CAD: variants seen among roughly 807,000 people sequenced by gnomAD.
CAD encodes multifunctional protein CAD.
A neutral mutation model predicts 237.2 loss-of-function variants in CAD; 81 were observed. That is an observed-to-expected ratio of 0.34 (90% CI 0.29 to 0.41). The LOEUF (loss-of-function observed/expected upper bound fraction) is 0.41, where lower values mean the gene tolerates loss of function less well. CAD is among the 10% of genes least tolerant of loss of function. CAD has a pLI of 1.00. For missense variants in CAD, 2,181 were observed against 2,951.7 expected, an observed-to-expected ratio of 0.74 and a Z score of 6.05; for synonymous variants, 1,196 against 1,162.8, an observed-to-expected ratio of 1.03 and a Z score of -0.58.
At chr2:27,238,952 G>A in intron 31 of CAD, 90 bp from the exon 32 acceptor site, 12 of 1,215,730 alleles carry the variant, frequency 9.9e-6, no homozygotes, top group Non-Finnish European at 1.4e-5. Context: ...TGAGCATAAG[G>A]AGGTTGTTGG....
rs758067228 is a variant in CAD at position 27,236,414 on chromosome 2, G to GC, written c.4207dup (p.Arg1403ProfsTer19). The GC allele has an allele frequency of 6.2e-7, 1 of 1,614,202 alleles. No homozygotes were observed. Among genetic ancestry groups the GC allele is most frequent in the Non-Finnish European group, 8.5e-7 (1 of 1,180,040 alleles). ...AACCTGTCAATGCGTGGAGCTGGGG[G>GC]CCGGCGTCTCTCTTCCTTTGTCACC... On this transcript the variant is annotated frameshift_variant, in exon 26 of 44. Coordinates refer to ENST00000264705, the MANE Select transcript of CAD (RefSeq NM_004341.5). LOFTEE classifies it high-confidence loss of function. The surrounding 1 kb of genome is among the most constrained non-coding windows in gnomAD (Gnocchi z 4.1).
At position 27,225,019 on chromosome 2, in the gene CAD, A is replaced by G. The variant is rs1187524433; in HGVS notation, c.1396A>G (p.Asn466Asp). 1 of 1,609,862 alleles carries G rather than the reference A, an allele frequency of 6.2e-7. No homozygotes were observed. Among genetic ancestry groups the G allele is most frequent in the African/African-American group, 1.3e-5 (1 of 74,812 alleles). The change falls in exon 11 of 44, where the codon AAT becomes GAT. Residue 466 changes from asparagine to aspartate, a missense_variant. Asn to Asp is a conservative substitution (Grantham distance 23). Coordinates refer to ENST00000264705, the MANE Select transcript of CAD (RefSeq NM_004341.5). The part of the protein sequence containing the change: ...TPHYVTQVIR[N>D]ERPDGVLLTF... ...CCCTCTCCATCCTCAGGTGATACGT[A>G]ATGAACGCCCCGATGGTGTGTTACT...
rs373362485 is a variant in CAD, at chr2:27,232,993, G to A, written c.2893-49G>A. ...TTAGTTTCTCCACGATTTTCTCCAC[G>A]ATTTTCCTCCCACCTGACTGCTAAG... is the stretch of plus-strand genomic sequence containing the variant. On this transcript the variant is annotated intron_variant, in intron 18 of 43. Transcript: ENST00000264705. This position sits in a 1 kb window ranked among gnomAD's most constrained non-coding sequence, Gnocchi z 4.1. The A allele has an allele frequency of 3.5e-5, 44 of 1,257,122 alleles. No individual in the cohort carries two copies. The highest frequency in any genetic ancestry group is 4.3e-5 in the Non-Finnish European group (37 of 855,388). 77.9% of individuals were successfully genotyped at this position (1,257,122 alleles called of 1,614,324 possible). A position where few individuals can be genotyped will look rare whatever the true frequency, so the allele number is the denominator to read the frequency against.
rs1676226814 is a variant in CAD at position 27,240,084 on chromosome 2, T to TA, written c.5497-174dup. On this transcript the variant is annotated intron_variant, in intron 34 of 43. Transcript: ENST00000264705. The surrounding 1 kb of genome is among the most constrained non-coding windows in gnomAD (Gnocchi z 4.6). ...GGTGAAACCCCATCTCTACTAAAAATAAAAAAATTAGCCAGGCGTGGTGGT... is the reference window on the plus strand; with the variant it reads ...GGTGAAACCCCATCTCTACTAAAAATAAAAAAAATTAGCCAGGCGTGGTGGT... The TA allele has an allele frequency of 1.6e-6, 1 of 622,508 alleles. No individual in the cohort carries two copies. The allele number at this position is 622,508 out of a possible 1,614,324, so 38.6% of individuals were successfully genotyped here. A position where few individuals can be genotyped will look rare whatever the true frequency, so the allele number is the denominator to read the frequency against.
Position 27,223,718 on chromosome 2 carries a change from G to C in CAD, c.965G>C (p.Gly322Ala), listed in dbSNP as rs1675293234. 6.2e-7 allele frequency: 1 copy of C among 1,614,194 alleles called. No individual in the cohort carries two copies. Among genetic ancestry groups the C allele is most frequent in the Non-Finnish European group, 8.5e-7 (1 of 1,180,030 alleles). ...AACGCCAATGATGGTTCCAATGAAG[G>C]CATTGTGCACAACAGCTTGCCTTTC... Reference protein sequence around the residue: ...FTNANDGSNEGIVHNSLPFFS... With the variant: ...FTNANDGSNEAIVHNSLPFFS... The change falls in exon 7 of 44, where the codon GGC (glycine) becomes GCC (alanine). Residue 322 changes from glycine to alanine, a missense_variant. Gly to Ala is a moderately conservative substitution (Grantham distance 60). Around this residue, in one of 12 missense-constraint regions of CAD, gnomAD observed 129 missense variants for 143.3 expected, o/e 0.90. Transcript: ENST00000264705.
In CAD at chr2:27,220,915, G is replaced by A. The variant is rs1048254314; in HGVS notation, c.223-303G>A. Among the ~76,000 whole-genome samples, 14 of 151,984 alleles carry A rather than the reference G, an allele frequency of 9.2e-5. No individual in the cohort carries two copies. In the South Asian group the frequency reaches 1.0e-3, roughly 11 times the overall value. On this transcript the variant is annotated intron_variant, in intron 2 of 43. Transcript: ENST00000264705. ...AGAGGTTGCAGTGAGCTTAGATGTC[G>A]CCACTGCATTGCAGCCTGGGTGACA... is the stretch of plus-strand genomic sequence containing the variant.
chr2:27,237,959 A>G lies in CAD; in HGVS notation c.4728+77A>G, dbSNP rs1676105081. 6.3e-7 allele frequency: 1 copy of G among 1,577,110 alleles called. No individual in the cohort carries two copies. Among genetic ancestry groups the G allele is most frequent in the African/African-American group, 1.3e-5 (1 of 74,162 alleles). ...TGGGCCCCTGCCTAAGTGGGCTGGT[A>G]GCAGTGAGGATTCAGGGGAGCTCCT... On this transcript the variant is annotated intron_variant, in intron 29 of 43. Coordinates refer to ENST00000264705, the MANE Select transcript of CAD (RefSeq NM_004341.5). The surrounding 1 kb of genome is among the most constrained non-coding windows in gnomAD (Gnocchi z 4.0).
chr2:27,226,188 G>C lies in CAD; in HGVS notation c.1900G>C (p.Val634Leu), dbSNP rs932756954. Residue 634 changes from valine to leucine, a missense_variant, in exon 13 of 44, where the codon GTG becomes CTG. By Grantham distance (32) the Val-to-Leu change is conservative (BLOSUM62 1). Coordinates refer to ENST00000264705, the MANE Select transcript of CAD (RefSeq NM_004341.5). ...LGIHTGESIVVAPSQTLNDRE... is the reference protein window; with the variant it reads ...LGIHTGESIVLAPSQTLNDRE... ...CATCCACACTGGTGAGTCCATAGTG[G>C]TGGCCCCTAGCCAGACACTGAATGA... The C allele has an allele frequency of 1.2e-6, 2 of 1,614,028 alleles. No homozygotes were observed. The highest frequency in any genetic ancestry group is 2.7e-5 in the African/African-American group (2 of 74,932).
rs1322473041 is a variant in CAD at position 27,235,149 on chromosome 2, G to C, written c.3787-96G>C. ...GAGGGCAGGCTGACCCTGCCATTCAGATGGGATCAAGCACAGGGTACTGTG... is the reference window on the plus strand; with the variant it reads ...GAGGGCAGGCTGACCCTGCCATTCACATGGGATCAAGCACAGGGTACTGTG... On this transcript the variant is annotated intron_variant, in intron 23 of 43. Transcript: ENST00000264705. The surrounding 1 kb of genome is among the most constrained non-coding windows in gnomAD (Gnocchi z 5.2). 1.4e-5 allele frequency: 17 copies of C among 1,180,700 alleles called. No homozygotes were observed. Among genetic ancestry groups the C allele is most frequent in the Non-Finnish European group, 1.9e-5 (16 of 844,738 alleles). 73.1% of individuals were successfully genotyped at this position (1,180,700 alleles called of 1,614,324 possible). A position where few individuals can be genotyped will look rare whatever the true frequency, so the allele number is the denominator to read the frequency against.
At chr2:27,229,455 G>A (rs1675614217) in intron 15 of CAD, among the ~76,000 whole-genome samples, 1 of 151,632 alleles carries the variant, frequency 6.6e-6, no homozygotes, top group South Asian at 2.1e-4. Flanking sequence ...ATTATTATTT[G>A]TAGAGAGGGA....
intron 31 of CAD, 60 bp from the exon 32 acceptor site, chr2:27,238,982 G>A (rs1572449566): frequency 6.8e-7 from 1 of 1,461,614 alleles, no homozygotes; most frequent in East Asian, 2.3e-5. Flanking sequence ...CCTGGGGTGT[G>A]AGTGACTTCC....
At position 27,232,499 on chromosome 2, in the gene CAD, A is replaced by G. The variant is rs756134143; in HGVS notation, c.2697A>G (p.Ala899=). The G allele has an allele frequency of 1.9e-6, 3 of 1,614,098 alleles. No individual in the cohort carries two copies. Among genetic ancestry groups the G allele is most frequent in the South Asian group, 2.2e-5 (2 of 91,090 alleles). ...KLRQELGICP[A]VKQIDTVAAE... ...GTCAGGAACTGGGGATCTGTCCAGC[A>G]GTGAAACAGATTGACACAGTTGCAG... The change falls in exon 18 of 44, where the codon GCA becomes GCG. Residue 899 remains alanine, a synonymous_variant. Transcript: ENST00000264705. The surrounding 1 kb of genome is among the most constrained non-coding windows in gnomAD (Gnocchi z 4.1).
In CAD at chr2:27,240,538, T is replaced by A; in HGVS notation, c.5593+177T>A. The A allele has an allele frequency of 1.3e-6, 2 of 1,548,082 alleles. No individual in the cohort carries two copies. The highest frequency in any genetic ancestry group is 1.7e-6 in the Non-Finnish European group (2 of 1,144,974). ...CGGTGTGAGTAGACATCTCACAGCT[T>A]CTCACATGCCCTTTTTTGTTGTGGG... is the stretch of plus-strand genomic sequence containing the variant. On this transcript the variant is annotated intron_variant, in intron 35 of 43. Coordinates refer to ENST00000264705, the MANE Select transcript of CAD (RefSeq NM_004341.5). This position sits in a 1 kb window ranked among gnomAD's most constrained non-coding sequence, Gnocchi z 4.6.
At chr2:27,231,434 C>G in intron 15 of CAD, 34 bp from the exon 16 acceptor site, 1 of 1,280,976 alleles carries the variant, frequency 7.8e-7, no homozygotes, top group Non-Finnish European at 1.1e-6. Context: ...CCTTCCACCT[C>G]CACACCTTCA....
rs1249885859 is a variant in CAD, at chr2:27,223,766, G to A, written c.995+18G>A. Reference sequence around the variant, plus strand: ...TTCTTCAGGTGAGCCTGGTTGACTGGGTCTGTGAAAATTTGAAGCCCTGTG... The same window carrying A: ...TTCTTCAGGTGAGCCTGGTTGACTGAGTCTGTGAAAATTTGAAGCCCTGTG... On this transcript the variant is annotated intron_variant, in intron 7 of 43. Coordinates refer to ENST00000264705, the MANE Select transcript of CAD (RefSeq NM_004341.5). 2.5e-6 allele frequency: 4 copies of A among 1,612,302 alleles called. No individual in the cohort carries two copies. The highest frequency in any genetic ancestry group is 3.4e-6 in the Non-Finnish European group (4 of 1,178,510).
Position 27,231,971 on chromosome 2 carries a change from TTCTA to T in CAD, c.2401-6_2401-3del, listed in dbSNP as rs745484061. On this transcript the variant is annotated splice_polypyrimidine_tract_variant and splice_region_variant and intron_variant, in intron 16 of 43. Coordinates refer to ENST00000264705, the MANE Select transcript of CAD (RefSeq NM_004341.5). The stretch of plus-strand genomic sequence containing the variant: ...AGTAGCTTCCGTCTGTCTACCCCCT[TTCTA>T]TCAGGAGTTGGAGACTCCAACAGAT... 13 of 1,614,040 alleles carry T rather than the reference TTCTA, an allele frequency of 8.1e-6. No individual in the cohort carries two copies. The highest frequency in any genetic ancestry group is 3.3e-4 in the Middle Eastern group (2 of 6,084).
At position 27,233,921 on chromosome 2, in the gene CAD, G is replaced by T; in HGVS notation, c.3400-87G>T. ...ACCAGGGCTGGGAACAGTGGGCTATGTGGGGCTCGTTAAAGGAAGAGACAA... is the reference window on the plus strand; with the variant it reads ...ACCAGGGCTGGGAACAGTGGGCTATTTGGGGCTCGTTAAAGGAAGAGACAA... On this transcript the variant is annotated intron_variant, in intron 21 of 43. Transcript: ENST00000264705. This position sits in a 1 kb window ranked among gnomAD's most constrained non-coding sequence, Gnocchi z 6.3. 1.3e-6 allele frequency: 2 copies of T among 1,544,204 alleles called. No homozygotes were observed. The highest frequency in any genetic ancestry group is 1.8e-6 in the Non-Finnish European group (2 of 1,124,156).
At position 27,225,214 on chromosome 2, in the gene CAD, C is replaced by T. The variant is rs766393997; in HGVS notation, c.1591C>T (p.Pro531Ser). Reference sequence around the variant, plus strand: ...GGCAGAGATCGGAGAGCATGTGGCCCCGAGCGAGGCAGCAAATTCTCTTGA... The same window carrying T: ...GGCAGAGATCGGAGAGCATGTGGCCTCGAGCGAGGCAGCAAATTCTCTTGA... The part of the protein sequence containing the change: ...RMAEIGEHVA[P>S]SEAANSLEQA... Residue 531 changes from proline (P) to serine (S), a missense_variant, in exon 11 of 44, where the codon CCG becomes TCG. Pro to Ser is a moderately conservative substitution (Grantham distance 74, BLOSUM62 -1). Coordinates refer to ENST00000264705, the MANE Select transcript of CAD (RefSeq NM_004341.5). 1 of 1,613,680 alleles carries T rather than the reference C, an allele frequency of 6.2e-7. No individual in the cohort carries two copies. The highest frequency in any genetic ancestry group is 8.5e-7 in the Non-Finnish European group (1 of 1,179,826).
At position 27,226,816 on chromosome 2, in the gene CAD, A is replaced by C; in HGVS notation, c.2157-16A>C. Reference sequence around the variant, plus strand: ...TCCTTCACTGTCCTTCTGGCATCCCACCTGCTGGACCCCAGGAACTCTGTG... The same window carrying C: ...TCCTTCACTGTCCTTCTGGCATCCCCCCTGCTGGACCCCAGGAACTCTGTG... On this transcript the variant is annotated splice_polypyrimidine_tract_variant and intron_variant, in intron 14 of 43. Transcript: ENST00000264705. 6.2e-7 allele frequency: 1 copy of C among 1,613,814 alleles called. No homozygotes were observed. Among genetic ancestry groups the C allele is most frequent in the Non-Finnish European group, 8.5e-7 (1 of 1,179,790 alleles).
Sources: gnomAD v4.1 joint callset for allele counts (sites outside exome capture counted in the v4.1 genomes callset) on GRCh38, gnomAD v4.1.1 for gene constraint, gnomAD v4.1.1 regional missense constraint, Gnocchi (gnomAD v3.1) non-coding constraint, MANE v1.5 for transcripts, NCBI Gene and HGNC (gene_info 2026-07-23, HGNC 2026-07-21) for gene names.